The following C12orf75 variants were observed in gnomAD, a reference collection of about 807,000 sequenced individuals.
The protein encoded by C12orf75 is chromosome 12 open reading frame 75, also known as overexpressed in colon carcinoma 1 protein.
A neutral mutation model predicts 11.4 loss-of-function variants in C12orf75; 4 were observed. The observed-to-expected ratio is 0.35, with a 90% CI of 0.17 to 0.80. The LOEUF (loss-of-function observed/expected upper bound fraction) is 0.80. Ranked by LOEUF, C12orf75 falls within the 30% of genes least tolerant of loss-of-function variation. The probability of loss-of-function intolerance (pLI) is 0.52; values close to 1 mark genes in which losing one functional copy is unlikely to be tolerated. For synonymous variants in C12orf75, 30 were observed against 30.0 expected (o/e 1.00, Z 0.00); for missense variants, 89 against 80.4 (o/e 1.11, Z -0.41).
intron 2 of C12orf75, among the ~76,000 whole-genome samples, chr12:105,362,333 C>T (rs373926955): frequency 9.7e-4 from 101 of 104,454 alleles, no homozygotes; most frequent in Middle Eastern, 0.016. Flanking sequence ...TGCAGTGAGC[C>T]GAGATCCCGC....
intron 2 of C12orf75, among the ~76,000 whole-genome samples, chr12:105,362,153 G>A (rs914716670): frequency 2.6e-5 from 4 of 151,928 alleles, no homozygotes; most frequent in Non-Finnish European, 5.9e-5. Context: ...TTGGGAGGCC[G>A]AGGCGGGCGG....
At chr12:105,336,594 G>C (rs1892502161) in intron 1 of C12orf75, among the ~76,000 whole-genome samples, 1 of 152,224 alleles carries the variant, frequency 6.6e-6, no homozygotes, top group Non-Finnish European at 1.5e-5. Context: ...CACAGCTGCT[G>C]TCTGCGCTCA....
intron 1 of C12orf75, among the ~76,000 whole-genome samples, chr12:105,334,752 G>C (rs997361893): frequency 4.6e-5 from 7 of 152,140 alleles, no homozygotes; most frequent in Non-Finnish European, 1.0e-4. Context: ...TTTTTCCCCC[G>C]AGCATGTCTC....
rs753312550 is a variant in C12orf75, at chr12:105,367,084, T to C, written c.187+388T>C. ...TGTTTAAAGGAAAAATAATTGCCTA[T>C]TGTATAATTAAATGAAATGAGGCTT... On this transcript the variant is annotated intron_variant, in intron 4 of 5. Coordinates refer to ENST00000443585, the MANE Select transcript of C12orf75 (RefSeq NM_001145199.2). Among the ~76,000 whole-genome samples, 18 of 152,204 alleles carry C rather than the reference T, an allele frequency of 1.2e-4. 1 individual carries two copies. Among genetic ancestry groups the C allele is most frequent in the Non-Finnish European group, 2.9e-5 (2 of 68,024 alleles).
chr12:105,357,930 G>A (rs991240285), intron 2 of C12orf75, among the ~76,000 whole-genome samples: 9 of 151,834 alleles, frequency 5.9e-5, no homozygotes, highest in Non-Finnish European at 1.0e-4. Flanking sequence ...CTGTAACCTC[G>A]ACCTCCCAGG....
intron 2 of C12orf75, among the ~76,000 whole-genome samples, chr12:105,350,843 T>C (rs1892704258): frequency 1.3e-5 from 2 of 152,190 alleles, no homozygotes; most frequent in Admixed American, 1.3e-4. Flanking sequence ...CTTTTTCTAA[T>C]AAAATTTAGT....
intron 2 of C12orf75, among the ~76,000 whole-genome samples, chr12:105,350,953 T>G (rs900347611): frequency 6.6e-6 from 1 of 152,234 alleles, no homozygotes; most frequent in African/African-American, 2.4e-5. Context: ...CAGATTTCCC[T>G]TGACTATACC....
intron 5 of C12orf75, among the ~76,000 whole-genome samples, chr12:105,370,186 G>A (rs1349236533): frequency 6.6e-6 from 1 of 152,198 alleles, no homozygotes; most frequent in Non-Finnish European, 1.5e-5. Flanking sequence ...CAGCACAGAG[G>A]GGCTTAAGTG....
At chr12:105,363,060 A>G (rs554819621) in intron 2 of C12orf75, among the ~76,000 whole-genome samples, 2 of 149,184 alleles carry the variant, frequency 1.3e-5, no homozygotes, top group Non-Finnish European at 3.0e-5. Flanking sequence ...TGACTTTTAC[A>G]TCTTTCTACC....
At chr12:105,336,960 A>G (rs1257085060) in intron 1 of C12orf75, among the ~76,000 whole-genome samples, 3 of 152,158 alleles carry the variant, frequency 2.0e-5, no homozygotes, top group Admixed American at 2.0e-4. Flanking sequence ...AATTGATGGC[A>G]TCCAAAGCGA....
At chr12:105,358,603 T>C (rs1219914452) in intron 2 of C12orf75, among the ~76,000 whole-genome samples, 1 of 152,198 alleles carries the variant, frequency 6.6e-6, no homozygotes, top group African/African-American at 2.4e-5. Flanking sequence ...TAAAAAATAT[T>C]TCAGTCTTAC....
Position 105,330,777 on chromosome 12 carries a change from C to A in C12orf75, c.-115C>A. 2.8e-6 allele frequency: 3 copies of A among 1,073,756 alleles called. No homozygotes were observed. Among genetic ancestry groups the A allele is most frequent in the Non-Finnish European group, 2.3e-6 (2 of 854,892 alleles). The allele number at this position is 1,073,756 out of a possible 1,614,324, so 66.5% of individuals were successfully genotyped here. A position where few individuals can be genotyped will look rare whatever the true frequency, so the allele number is the denominator to read the frequency against. On this transcript the variant is annotated 5_prime_UTR_variant, in exon 1 of 6. Transcript: ENST00000443585. ...GGGGCGGCCCCCACTCGGTTCCTGG[C>A]CCCTCGCGGCCCCGTCAGCCTCCCG...
chr12:105,331,536 T>A (rs941865161), intron 1 of C12orf75, among the ~76,000 whole-genome samples: 3 of 152,070 alleles, frequency 2.0e-5, no homozygotes, highest in Admixed American at 1.3e-4. Context: ...AAGGATGTTT[T>A]ACATATGTGA....
intron 2 of C12orf75, among the ~76,000 whole-genome samples, chr12:105,355,754 TTAAGG>T (rs536032117): frequency 2.0e-5 from 3 of 152,340 alleles, no homozygotes; most frequent in Non-Finnish European, 2.9e-5. Flanking sequence ...GCCAAATTTC[TTAAGG>T]TAAGGAGATG....
intron 1 of C12orf75, among the ~76,000 whole-genome samples, chr12:105,342,122 AG>A (rs1306642771): frequency 6.6e-6 from 1 of 152,228 alleles, no homozygotes; most frequent in Non-Finnish European, 1.5e-5. Flanking sequence ...AGGTTTTCGT[AG>A]GTGCTGTGGT....
intron 1 of C12orf75, among the ~76,000 whole-genome samples, chr12:105,332,599 C>T (rs1409188009): frequency 6.6e-6 from 1 of 151,894 alleles, no homozygotes; most frequent in East Asian, 1.9e-4. Context: ...GGCGTGGTGG[C>T]GCCTGCTTGT....
At position 105,340,430 on chromosome 12, in the gene C12orf75, C is replaced by CA. The variant is rs60658476; in HGVS notation, c.47-8152dup. ...ACAGAGTGAGACTCCGTGCCCCCGC[C>CA]AAAAAAAAAAAAAAAAAAAATTTAC... On this transcript the variant is annotated intron_variant, in intron 1 of 5. Transcript: ENST00000443585. Among the ~76,000 whole-genome samples the CA allele has an allele frequency of 2.6e-3, 296 of 115,384 alleles. 5 individuals carry two copies. The highest frequency in any genetic ancestry group is 4.6e-3 in the Middle Eastern group (1 of 216). 75.7% of individuals were successfully genotyped at this position (115,384 alleles called of 152,430 possible).
chr12:105,330,983 G>A (rs1892414821), intron 1 of C12orf75, 46 bp downstream of exon 1: 1 of 1,113,818 alleles, frequency 9.0e-7, no homozygotes, highest in Non-Finnish European at 1.1e-6. Flanking sequence ...GGCGGGAGAG[G>A]CGGCGGGAAG....
chr12:105,341,689 A>G (rs1892576329), intron 1 of C12orf75, among the ~76,000 whole-genome samples: 1 of 152,202 alleles, frequency 6.6e-6, no homozygotes, highest in Non-Finnish European at 1.5e-5. Flanking sequence ...GAGTTGGGCT[A>G]TACCACAGTC....
Sources: allele counts gnomAD v4.1 joint callset (sites outside exome capture counted in the v4.1 genomes callset), GRCh38; gene constraint gnomAD v4.1.1; transcripts MANE v1.5; gene names NCBI Gene and HGNC (gene_info 2026-07-23, HGNC 2026-07-21).